RPH3A: variants seen among roughly 807,000 people sequenced by gnomAD.
RPH3A encodes the protein rabphilin-3A.
A neutral mutation model predicts 102.2 loss-of-function variants in RPH3A; 48 were observed. The ratio of observed to expected loss-of-function variants is 0.47; its 90% CI spans 0.37 to 0.60. The LOEUF (loss-of-function observed/expected upper bound fraction) is 0.60. Ranked by LOEUF, RPH3A falls within the 20% of genes least tolerant of loss-of-function variation. The pLI, the probability that RPH3A is intolerant of heterozygous loss-of-function variation, is 0.00. For missense variants in RPH3A, 781 were observed against 910.1 expected (o/e 0.86, Z 1.83); for synonymous variants, 310 against 324.3 (o/e 0.96, Z 0.47).
intron 5 of RPH3A, among the ~76,000 whole-genome samples, chr12:112,862,195 G>A (rs1329254199): frequency 1.3e-5 from 2 of 151,720 alleles, no homozygotes; most frequent in Admixed American, 6.6e-5. Flanking sequence ...ATGTAAGATC[G>A]TACCATTGCA....
intron 4 of RPH3A, among the ~76,000 whole-genome samples, chr12:112,846,384 C>A (rs1010741162): frequency 6.6e-6 from 1 of 152,160 alleles, no homozygotes; most frequent in Non-Finnish European, 1.5e-5. Context: ...GTGTTTCCAC[C>A]AGAATTTCCC....
At position 112,704,909 on chromosome 12, in the gene RPH3A, G is replaced by A. The variant is rs12300277; in HGVS notation, c.-139-87234G>A. 5.6e-3 allele frequency among the ~76,000 whole-genome samples: 849 copies of A among 152,242 alleles called. 11 individuals carry two copies. The highest frequency in any genetic ancestry group is 0.019 in the African/African-American group (809 of 41,558). On this transcript the variant is annotated intron_variant, in intron 1 of 21. Coordinates refer to the RPH3A transcript ENST00000543106. ...AATAATTATATCTTTTAAATGGGTC[G>A]TGCTAACAATCTGGAGATTAAGAAC...
At chr12:112,695,605 T>C (rs952845246) in intron 1 of RPH3A, among the ~76,000 whole-genome samples, 1 of 152,234 alleles carries the variant, frequency 6.6e-6, no homozygotes, top group African/African-American at 2.4e-5. Flanking sequence ...TTGATATTTA[T>C]GCTATCATTT....
At chr12:112,779,032 G>A (rs539781966) in intron 1 of RPH3A, among the ~76,000 whole-genome samples, 1 of 152,324 alleles carries the variant, frequency 6.6e-6, no homozygotes, top group South Asian at 2.1e-4. Flanking sequence ...ATGCTTACCT[G>A]GCAAAGGTAG....
intron 1 of RPH3A, among the ~76,000 whole-genome samples, chr12:112,679,907 G>A (rs2040214748): frequency 1.3e-5 from 2 of 152,252 alleles, no homozygotes. Flanking sequence ...AAGAGGAAGA[G>A]GGTTTGACAC....
At chr12:112,725,883 C>T (rs1206505334) in intron 1 of RPH3A, among the ~76,000 whole-genome samples, 8 of 151,744 alleles carry the variant, frequency 5.3e-5, no homozygotes, top group Non-Finnish European at 2.9e-5. Context: ...GCAACCTCTG[C>T]CTCCCGGGTT....
intron 1 of RPH3A, among the ~76,000 whole-genome samples, chr12:112,737,696 A>G (rs2040679335): frequency 6.6e-6 from 1 of 152,110 alleles, no homozygotes; most frequent in Non-Finnish European, 1.5e-5. Flanking sequence ...ATCCTTAGGG[A>G]TCACCATTAA....
At chr12:112,736,279 T>C (rs2040668843) in intron 1 of RPH3A, among the ~76,000 whole-genome samples, 1 of 152,222 alleles carries the variant, frequency 6.6e-6, no homozygotes, top group South Asian at 2.1e-4. Flanking sequence ...CCAATGTCCC[T>C]GAGGGACAAA....
intron 2 of RPH3A, among the ~76,000 whole-genome samples, chr12:112,827,731 C>T (rs2136151754): frequency 6.6e-6 from 1 of 152,044 alleles, no homozygotes; most frequent in South Asian, 2.1e-4. Flanking sequence ...GGGAACATCA[C>T]ACACCGGGGC....
chr12:112,798,959 A>G (rs2041288285), intron 2 of RPH3A, among the ~76,000 whole-genome samples: 1 of 152,050 alleles, frequency 6.6e-6, no homozygotes, highest in African/African-American at 2.4e-5. Context: ...TAAGACACAC[A>G]GAAATTACTT....
At chr12:112,798,447 G>A (rs1464264132) in intron 2 of RPH3A, among the ~76,000 whole-genome samples, 4 of 151,908 alleles carry the variant, frequency 2.6e-5, no homozygotes, top group African/African-American at 7.3e-5. Context: ...ACACAATGAC[G>A]AGTGGTGACT....
intron 1 of RPH3A, among the ~76,000 whole-genome samples, chr12:112,585,723 T>G (rs1482708968): frequency 6.6e-6 from 1 of 151,302 alleles, no homozygotes; most frequent in African/African-American, 2.4e-5. Context: ...GGCAATAGAG[T>G]GAAACTCTGT....
intron 2 of RPH3A, among the ~76,000 whole-genome samples, chr12:112,806,492 A>G (rs1243795015): frequency 1.3e-5 from 2 of 152,042 alleles, no homozygotes; most frequent in Non-Finnish European, 2.9e-5. Flanking sequence ...AAAATTAGCC[A>G]GGCATAGTGG....
At chr12:112,636,363 A>G (rs2039848742) in intron 1 of RPH3A, among the ~76,000 whole-genome samples, 1 of 152,250 alleles carries the variant, frequency 6.6e-6, no homozygotes, top group African/African-American at 2.4e-5. Context: ...TAACAATGCA[A>G]TGTCTGGCTA....
chr12:112,737,037 C>A (rs1267912391), intron 1 of RPH3A, among the ~76,000 whole-genome samples: 1 of 151,714 alleles, frequency 6.6e-6, no homozygotes, highest in Non-Finnish European at 1.5e-5. Flanking sequence ...CACTTGAGAT[C>A]CTAGCTACTC....
intron 1 of RPH3A, among the ~76,000 whole-genome samples, chr12:112,583,932 G>C (rs1243397487): frequency 6.6e-6 from 1 of 152,210 alleles, no homozygotes; most frequent in Non-Finnish European, 1.5e-5. Context: ...GTTGCAGTGA[G>C]CCGATATTGT....
At chr12:112,781,276 C>T (rs1352801435) in intron 1 of RPH3A, among the ~76,000 whole-genome samples, 1 of 152,208 alleles carries the variant, frequency 6.6e-6, no homozygotes, top group African/African-American at 2.4e-5. Context: ...CAGGCATTTC[C>T]AAGTGCAGCC....
At chr12:112,866,633 G>A (rs2042615436) in intron 6 of RPH3A, 124 bp from the exon 7 acceptor site, 1 of 714,686 alleles carries the variant, frequency 1.4e-6, no homozygotes, top group Non-Finnish European at 2.4e-6. Flanking sequence ...CTCATAGAAG[G>A]AAGTGGGAGA....
At chr12:112,824,035 C>G (rs1249346891) in intron 2 of RPH3A, among the ~76,000 whole-genome samples, 1 of 152,186 alleles carries the variant, frequency 6.6e-6, no homozygotes, top group Non-Finnish European at 1.5e-5. Context: ...AGGTCAAGTT[C>G]CCTAGAAGCA....
Sources: gnomAD v4.1 joint callset for allele counts (sites outside exome capture counted in the v4.1 genomes callset) on GRCh38, gnomAD v4.1.1 for gene constraint, MANE v1.5 for transcripts, NCBI Gene and HGNC (gene_info 2026-07-23, HGNC 2026-07-21) for gene names.